CAT: variants seen among roughly 807,000 people sequenced by gnomAD.
CAT encodes epididymis secretory sperm binding protein.
Under a neutral mutation model 59.0 loss-of-function variants are expected in CAT, and 43 were observed. That is an observed-to-expected ratio of 0.73 (90% CI 0.57 to 0.94). The LOEUF is 0.94. CAT is among the 40% of genes least tolerant of loss of function. The probability of loss-of-function intolerance (pLI) is 0.00; values close to 1 mark genes in which losing one functional copy is unlikely to be tolerated. For missense variants in CAT, 664 were observed against 682.9 expected (o/e 0.97, Z 0.31); for synonymous variants, 218 against 230.9 (o/e 0.94, Z 0.51).
chr11:34,439,117 T>C lies in CAT; in HGVS notation c.66+38T>C, dbSNP rs759989720. ...CTCCCCGAGCGGGCCCGAAGGTCCGTTTAGAAAGCGGGGGCGTCGGCAAGT... is the reference window on the plus strand; with the variant it reads ...CTCCCCGAGCGGGCCCGAAGGTCCGCTTAGAAAGCGGGGGCGTCGGCAAGT... On this transcript the variant is annotated intron_variant, in intron 1 of 12. Transcript: ENST00000241052. 3.2e-6 allele frequency: 5 copies of C among 1,549,900 alleles called. No individual in the cohort carries two copies. In the African/African-American group the frequency reaches 4.1e-5, roughly 13 times the overall value.
chr11:34,450,068 T>C (rs899070118), intron 2 of CAT, among the ~76,000 whole-genome samples: 4 of 152,016 alleles, frequency 2.6e-5, no homozygotes, highest in African/African-American at 4.8e-5. Flanking sequence ...TATCTAGACA[T>C]GGGGAGAACA....
Position 34,447,846 on chromosome 11 carries a change from CAT to C in CAT, c.67-1344_67-1343del, listed in dbSNP as rs375587437. 2.5e-3 allele frequency among the ~76,000 whole-genome samples: 384 copies of C among 152,238 alleles called. 4 individuals are homozygous for C. Among genetic ancestry groups the C allele is most frequent in the African/African-American group, 9.1e-3 (376 of 41,540 alleles). On this transcript the variant is annotated intron_variant, in intron 1 of 12. Coordinates refer to ENST00000241052, the MANE Select transcript of CAT (RefSeq NM_001752.4). The stretch of plus-strand genomic sequence containing the variant: ...TATTTTGCAGATGAAAATGGAGACT[CAT>C]AAATAAGTAACTTACCAGCAGCTAC...
At chr11:34,449,115 G>A in intron 1 of CAT, 77 bp from the exon 2 acceptor site, 1 of 1,264,338 alleles carries the variant, frequency 7.9e-7, no homozygotes, top group Admixed American at 1.7e-5. Context: ...ACATTGCAAA[G>A]CTATGTACCC....
intron 1 of CAT, among the ~76,000 whole-genome samples, chr11:34,444,308 TA>T (rs1298037234): frequency 6.6e-6 from 1 of 152,128 alleles, no homozygotes; most frequent in Non-Finnish European, 1.5e-5. Flanking sequence ...TTATAGTAAA[TA>T]GGGGCTCTTT....
At chr11:34,447,704 C>T (rs985759183) in intron 1 of CAT, among the ~76,000 whole-genome samples, 12 of 152,208 alleles carry the variant, frequency 7.9e-5, no homozygotes, top group Non-Finnish European at 1.6e-4. Context: ...CCTTCTGCTG[C>T]GAGGTCATGT....
chr11:34,465,633 T>G (rs1432378646), intron 10 of CAT, among the ~76,000 whole-genome samples: 1 of 152,196 alleles, frequency 6.6e-6, no homozygotes, highest in Non-Finnish European at 1.5e-5. Flanking sequence ...TAGGATATAG[T>G]GTGGTTTTTA....
At chr11:34,461,657 G>A (rs1238267691) in intron 9 of CAT, among the ~76,000 whole-genome samples, 1 of 152,212 alleles carries the variant, frequency 6.6e-6, no homozygotes, top group African/African-American at 2.4e-5. Flanking sequence ...TTAAAAGCAG[G>A]GAGAAAGATC....
At chr11:34,463,293 T>C (rs191570543) in intron 9 of CAT, among the ~76,000 whole-genome samples, 3 of 152,356 alleles carry the variant, frequency 2.0e-5, no homozygotes, top group East Asian at 3.9e-4. Flanking sequence ...AATATTTTGA[T>C]TGTATTTGTC....
At chr11:34,470,578 C>G (rs1856762844) in intron 11 of CAT, 5 of 282,776 alleles carry the variant, frequency 1.8e-5, no homozygotes, top group African/African-American at 2.2e-5. Flanking sequence ...CTATGTAGGC[C>G]CCCATGAATC....
At chr11:34,464,856 A>G (rs537249759) in intron 10 of CAT, among the ~76,000 whole-genome samples, 4 of 148,718 alleles carry the variant, frequency 2.7e-5, no homozygotes, top group Admixed American at 6.7e-5. Flanking sequence ...TTTTTTTTGG[A>G]CCACCTTTTA....
At chr11:34,470,889 C>T in intron 11 of CAT, 69 bp from the exon 12 acceptor site, 1 of 1,304,136 alleles carries the variant, frequency 7.7e-7, no homozygotes, top group Non-Finnish European at 1.1e-6. Context: ...ACTGGGAAAC[C>T]ACAGTCCCTG....
intron 9 of CAT, among the ~76,000 whole-genome samples, chr11:34,463,349 C>A (rs1488676017): frequency 6.6e-6 from 1 of 152,074 alleles, no homozygotes; most frequent in East Asian, 1.9e-4. Context: ...TATACAATTA[C>A]CACATTTTAA....
At chr11:34,470,914 A>G in intron 11 of CAT, 44 bp from the exon 12 acceptor site, 3 of 1,460,004 alleles carry the variant, frequency 2.1e-6, no homozygotes, top group South Asian at 2.3e-5. Context: ...GTGATATAGT[A>G]GGGAGTTAGA....
intron 1 of CAT, 76 bp downstream of exon 1, chr11:34,439,155 T>A (rs1402890058): frequency 7.2e-7 from 1 of 1,388,398 alleles, no homozygotes. Flanking sequence ...AGGCCCGGCT[T>A]CCCCCGGGGC....
chr11:34,471,668 G>T lies in CAT; in HGVS notation c.*235G>T. 3 of 532,250 alleles carry T rather than the reference G, an allele frequency of 5.6e-6. No individual in the cohort carries two copies. Among genetic ancestry groups the T allele is most frequent in the South Asian group, 2.2e-5 (1 of 45,794 alleles). 33.0% of individuals were successfully genotyped at this position (532,250 alleles called of 1,614,324 possible). On this transcript the variant is annotated 3_prime_UTR_variant, in exon 13 of 13. Coordinates refer to ENST00000241052, the MANE Select transcript of CAT (RefSeq NM_001752.4). ...AAAAAATTTGTTTTGACGGATGATT[G>T]GATTATTCATTTAAAATGATTAGAA...
At chr11:34,456,259 G>A in intron 7 of CAT, 57 bp downstream of exon 7, 2 of 1,347,686 alleles carry the variant, frequency 1.5e-6, no homozygotes, top group Admixed American at 3.8e-5. Flanking sequence ...TACCTAATTA[G>A]AAAAAAAATC....
chr11:34,439,920 A>G (rs960008041), intron 1 of CAT, among the ~76,000 whole-genome samples: 2 of 152,236 alleles, frequency 1.3e-5, no homozygotes, highest in Non-Finnish European at 2.9e-5. Context: ...ACATTTGAAC[A>G]GGAATTTTTT....
chr11:34,457,863 C>T (rs1298326537), intron 8 of CAT, among the ~76,000 whole-genome samples: 1 of 152,196 alleles, frequency 6.6e-6, no homozygotes, highest in East Asian at 1.9e-4. Context: ...TATCTGATTC[C>T]AGTTCAGGTT....
intron 11 of CAT, among the ~76,000 whole-genome samples, chr11:34,469,229 C>CT (rs946467771): frequency 6.6e-6 from 1 of 152,200 alleles, no homozygotes; most frequent in African/African-American, 2.4e-5. Context: ...GGGCTAGCAG[C>CT]TGTCTGGGCT....
Sources: allele counts gnomAD v4.1 joint callset (sites outside exome capture counted in the v4.1 genomes callset), GRCh38; gene constraint gnomAD v4.1.1; transcripts MANE v1.5; gene names NCBI Gene and HGNC (gene_info 2026-07-23, HGNC 2026-07-21).